The following BICD1 variants were observed in gnomAD, a reference collection of about 807,000 sequenced individuals.
BICD1 encodes the protein BICD cargo adaptor 1.
Under a neutral mutation model 92.5 loss-of-function variants are expected in BICD1, and 35 were observed. The ratio of observed to expected loss-of-function variants is 0.38; its 90% CI spans 0.29 to 0.50. The LOEUF is 0.50. Ranked by LOEUF, BICD1 falls within the 20% of genes least tolerant of loss-of-function variation. The probability of loss-of-function intolerance (pLI) is 0.93; values close to 1 mark genes in which losing one functional copy is unlikely to be tolerated. For missense variants in BICD1, 950 were observed against 1,189.8 expected, an observed-to-expected ratio of 0.80 and a Z score of 2.97; for synonymous variants, 429 against 465.1, an observed-to-expected ratio of 0.92 and a Z score of 1.00.
At chr12:32,343,685 C>G (rs1474886101) in intron 8 of BICD1, among the ~76,000 whole-genome samples, 1 of 152,188 alleles carries the variant, frequency 6.6e-6, no homozygotes, top group Non-Finnish European at 1.5e-5. Context: ...TCCCTCCTGT[C>G]TTTCTCTGAC....
At chr12:32,165,930 T>C (rs1245941768) in intron 1 of BICD1, among the ~76,000 whole-genome samples, 8 of 152,136 alleles carry the variant, frequency 5.3e-5, no homozygotes, top group African/African-American at 1.7e-4. Context: ...TGGAAAATTA[T>C]TGTTACTCTT....
rs189032096 is a variant in BICD1, at chr12:32,278,129, C to T, written c.427-15865C>T. Among the ~76,000 whole-genome samples the T allele has an allele frequency of 2.0e-4, 31 of 152,316 alleles. No individual in the cohort carries two copies. In the East Asian group the frequency reaches 5.0e-3, roughly 25 times the overall value. On this transcript the variant is annotated intron_variant, in intron 2 of 9. Coordinates refer to ENST00000652176, the MANE Select transcript of BICD1 (RefSeq NM_001714.4). ...ACAATATTTACCAGAGATTGAACTA[C>T]TTCTGGAATATTTGTGAATCCAGCC... is the stretch of plus-strand genomic sequence containing the variant.
intron 3 of BICD1, among the ~76,000 whole-genome samples, chr12:32,298,323 A>G (rs1326002110): frequency 6.6e-6 from 1 of 152,134 alleles, no homozygotes; most frequent in Non-Finnish European, 1.5e-5. Context: ...GCACTTTGGG[A>G]GGCCGAGGTG....
intron 1 of BICD1, among the ~76,000 whole-genome samples, chr12:32,185,923 G>C (rs960654176): frequency 1.7e-5 from 2 of 120,938 alleles, no homozygotes; most frequent in Non-Finnish European, 3.7e-5. Flanking sequence ...TTGCATCTGT[G>C]TGGGGCCAGG....
intron 2 of BICD1, chr12:32,227,863 G>A (rs531964144): frequency 2.6e-5 from 4 of 154,346 alleles, no homozygotes; most frequent in South Asian, 2.1e-4. Flanking sequence ...GCCATCTCCC[G>A]CTTCACCCTT....
intron 1 of BICD1, among the ~76,000 whole-genome samples, chr12:32,165,300 G>T (rs1475376734): frequency 1.3e-5 from 2 of 152,130 alleles, no homozygotes; most frequent in African/African-American, 2.4e-5. Context: ...CGGATCACGA[G>T]GTCAGGAGAT....
At chr12:32,167,700 C>G (rs572584343) in intron 1 of BICD1, among the ~76,000 whole-genome samples, 18 of 152,286 alleles carry the variant, frequency 1.2e-4, no homozygotes, top group Non-Finnish European at 2.4e-4. Context: ...AGGTGATCTG[C>G]CCACCTTGGC....
intron 1 of BICD1, among the ~76,000 whole-genome samples, chr12:32,157,890 G>T (rs1943486185): frequency 6.6e-6 from 1 of 152,050 alleles, no homozygotes; most frequent in East Asian, 1.9e-4. Context: ...GCCTGTTTAG[G>T]TCCTGGCTCC....
chr12:32,323,347 C>T (rs1948702519), intron 4 of BICD1, among the ~76,000 whole-genome samples: 1 of 152,206 alleles, frequency 6.6e-6, no homozygotes, highest in African/African-American at 2.4e-5. Context: ...TGGACCACAG[C>T]TAACCAATTG....
At chr12:32,141,193 T>C (rs1200810857) in intron 1 of BICD1, among the ~76,000 whole-genome samples, 2 of 152,212 alleles carry the variant, frequency 1.3e-5, no homozygotes, top group Non-Finnish European at 2.9e-5. Flanking sequence ...AAAGTGAAGA[T>C]TTATAATTCA....
intron 1 of BICD1, among the ~76,000 whole-genome samples, chr12:32,120,849 G>C (rs1362054935): frequency 7.8e-6 from 1 of 128,494 alleles, no homozygotes; most frequent in East Asian, 2.2e-4. Context: ...AGAAAATATA[G>C]GAAGGAAAAT....
In BICD1 at chr12:32,270,658, C is replaced by G. The variant is rs187213694; in HGVS notation, c.427-23336C>G. Among the ~76,000 whole-genome samples, 24 of 152,242 alleles carry G rather than the reference C, an allele frequency of 1.6e-4. No homozygotes were observed. In the East Asian group the frequency reaches 4.6e-3, roughly 29 times the overall value. The stretch of plus-strand genomic sequence containing the variant: ...ATAAGATTTTTTAAAAAGTGAAACA[C>G]CACCCATACACACTGAATTCATTTG... On this transcript the variant is annotated intron_variant, in intron 2 of 9. Transcript: ENST00000652176.
chr12:32,117,591 G>T (rs1941961666), intron 1 of BICD1, among the ~76,000 whole-genome samples: 1 of 151,612 alleles, frequency 6.6e-6, no homozygotes, highest in Non-Finnish European at 1.5e-5. Context: ...GTTGCATTGA[G>T]GGAGGTCTAC....
chr12:32,374,509 G>A (rs2136342166), intron 9 of BICD1, among the ~76,000 whole-genome samples: 1 of 151,398 alleles, frequency 6.6e-6, no homozygotes, highest in Admixed American at 6.6e-5. Flanking sequence ...TGTTTGGAGG[G>A]TCAAGTGTGA....
intron 1 of BICD1, among the ~76,000 whole-genome samples, chr12:32,167,671 G>C (rs947114155): frequency 2.6e-5 from 4 of 152,162 alleles, no homozygotes; most frequent in Non-Finnish European, 5.9e-5. Context: ...GGTCAGGCTG[G>C]TCTCAAACTC....
chr12:32,239,421 C>T (rs1946172155), intron 2 of BICD1, among the ~76,000 whole-genome samples: 1 of 149,760 alleles, frequency 6.7e-6, no homozygotes, highest in East Asian at 2.0e-4. Context: ...ACAAAATGAG[C>T]CGGGCGTGGT....
intron 1 of BICD1, among the ~76,000 whole-genome samples, chr12:32,212,608 G>C (rs1945249985): frequency 6.6e-6 from 1 of 152,114 alleles, no homozygotes. Context: ...TATTTTAACA[G>C]AGACGGGGTT....
At chr12:32,153,884 T>C (rs772979061) in intron 1 of BICD1, among the ~76,000 whole-genome samples, 9 of 151,860 alleles carry the variant, frequency 5.9e-5, no homozygotes, top group South Asian at 4.2e-4. Context: ...TTATTAGCCC[T>C]CCAATGCTTG....
intron 8 of BICD1, among the ~76,000 whole-genome samples, chr12:32,348,729 T>A (rs1244956944): frequency 0.055 from 69 of 1,256 alleles, no homozygotes; most frequent in Non-Finnish European, 0.078. Flanking sequence ...CAAAAATATA[T>A]ATATATATAT....
Sources: allele counts gnomAD v4.1 joint callset (sites outside exome capture counted in the v4.1 genomes callset), GRCh38; gene constraint gnomAD v4.1.1; transcripts MANE v1.5; gene names NCBI Gene and HGNC (gene_info 2026-07-23, HGNC 2026-07-21).